CNIH3: variants seen among roughly 807,000 people sequenced by gnomAD.
The protein encoded by CNIH3 is protein cornichon homolog 3.
Under a neutral mutation model 24.1 loss-of-function variants are expected in CNIH3, and 14 were observed. The observed-to-expected ratio is 0.58, with a 90% CI of 0.38 to 0.91. The LOEUF is 0.91. Ranked by LOEUF, CNIH3 falls within the 40% of genes least tolerant of loss-of-function variation. The probability of loss-of-function intolerance (pLI) is 0.00; values close to 1 mark genes in which losing one functional copy is unlikely to be tolerated. For synonymous variants in CNIH3, 68 were observed against 73.8 expected (o/e 0.92, Z 0.40); for missense variants, 178 against 196.8 (o/e 0.90, Z 0.57).
At chr1:224,670,155 C>T (rs151107636) in intron 1 of CNIH3, among the ~76,000 whole-genome samples, 7 of 152,308 alleles carry the variant, frequency 4.6e-5, no homozygotes, top group African/African-American at 1.7e-4. Flanking sequence ...GTGAGACCTC[C>T]TTCAGATCCA....
intron 1 of CNIH3, among the ~76,000 whole-genome samples, chr1:224,657,857 A>G (rs1685171988): frequency 6.6e-6 from 1 of 152,242 alleles, no homozygotes; most frequent in African/African-American, 2.4e-5. Flanking sequence ...TCTTAAGACA[A>G]TCAGGGTTGA....
chr1:224,542,152 G>A (rs1679534674), downstream of CNIH3, among the ~76,000 whole-genome samples: 1 of 152,162 alleles, frequency 6.6e-6, no homozygotes, highest in African/African-American at 2.4e-5. Flanking sequence ...GTTTGAAAAT[G>A]CCACAACCAT....
intron 5 of CNIH3, chr1:224,587,290 C>T (rs2125022605): frequency 6.6e-6 from 1 of 152,438 alleles, no homozygotes; most frequent in African/African-American, 2.4e-5. Context: ...CATCCCAGAA[C>T]ATCAAGACAC....
At chr1:224,675,928 C>T (rs1036509584) in intron 1 of CNIH3, among the ~76,000 whole-genome samples, 6 of 152,286 alleles carry the variant, frequency 3.9e-5, no homozygotes, top group African/African-American at 1.4e-4. Flanking sequence ...CTTTGGAAAA[C>T]AGTTTTGTCA....
chr1:224,672,799 C>T (rs947918349), intron 1 of CNIH3, among the ~76,000 whole-genome samples: 5 of 152,148 alleles, frequency 3.3e-5, no homozygotes, highest in African/African-American at 9.7e-5. Flanking sequence ...GAGAAAGGTC[C>T]GTTCAAAGTG....
chr1:224,600,933 C>T (rs1318843392), intron 3 of CNIH3, among the ~76,000 whole-genome samples: 1 of 152,188 alleles, frequency 6.6e-6, no homozygotes, highest in African/African-American at 2.4e-5. Context: ...GGCCGTCCAC[C>T]TGCTAGTGTT....
At position 224,703,146 on chromosome 1, in the gene CNIH3, C is replaced by G. The variant is rs1687593036; in HGVS notation, c.198+18303C>G. ...TCTGACCTCTCAAGGTCCATCTGTC[C>G]TGGCTGGTCAAAACCTTTTTTCTAC... On this transcript the variant is annotated intron_variant, in intron 3 of 5. Coordinates refer to ENST00000272133, the MANE Select transcript of CNIH3 (RefSeq NM_152495.2). This position sits in a 1 kb window ranked among gnomAD's most constrained non-coding sequence, Gnocchi z 4.2. 6.6e-6 allele frequency among the ~76,000 whole-genome samples: 1 copy of G among 152,164 alleles called. No individual in the cohort carries two copies. The highest frequency in any genetic ancestry group is 2.4e-5 in the African/African-American group (1 of 41,444).
chr1:224,535,037 G>T (rs1179894370), intron 2 of CNIH3, among the ~76,000 whole-genome samples: 2 of 152,140 alleles, frequency 1.3e-5, no homozygotes, highest in African/African-American at 2.4e-5. Context: ...GCTGAATTGT[G>T]TCTGCCCCCA....
intron 5 of CNIH3, chr1:224,587,231 G>T (rs915973249): frequency 6.6e-6 from 1 of 152,346 alleles, no homozygotes; most frequent in Non-Finnish European, 1.5e-5. Context: ...TTTGGGAGGG[G>T]AACCAGAGAC....
At chr1:224,625,899 G>A (rs1329303346) in intron 1 of CNIH3, among the ~76,000 whole-genome samples, 1 of 152,138 alleles carries the variant, frequency 6.6e-6, no homozygotes, top group Non-Finnish European at 1.5e-5. Context: ...TGTTGATTTT[G>A]TGCTTCAAGA....
intron 3 of CNIH3, among the ~76,000 whole-genome samples, chr1:224,553,054 G>A (rs898846322): frequency 2.0e-5 from 3 of 148,440 alleles, no homozygotes; most frequent in Middle Eastern, 3.9e-3. Flanking sequence ...ATCATAGGGT[G>A]TATACACAGG....
At chr1:224,491,060 G>A (rs1677217783) in intron 1 of CNIH3, among the ~76,000 whole-genome samples, 1 of 152,162 alleles carries the variant, frequency 6.6e-6, no homozygotes. Context: ...CCTAAGTTAG[G>A]TTCTCAATCT....
rs200735493 is a variant in CNIH3, at chr1:224,501,526, T to TATA, written n.204-14215_204-14214insATA. On this transcript the variant is annotated intron_variant and non_coding_transcript_variant, in intron 1 of 5. Coordinates refer to the CNIH3 transcript ENST00000471578. The stretch of plus-strand genomic sequence containing the variant: ...GAACCTATATATATATATATATATA[T>TATA]TTTTTTTTTTTAACCCCAGAGTTCA... Among the ~76,000 whole-genome samples, 95 of 62,694 alleles carry TATA rather than the reference T, an allele frequency of 1.5e-3. 1 individual carries two copies. The highest frequency in any genetic ancestry group is 5.5e-3 in the African/African-American group (86 of 15,760). 41.1% of individuals were successfully genotyped at this position (62,694 alleles called of 152,430 possible).
At chr1:224,585,741 T>C (rs529300898) in intron 5 of CNIH3, among the ~76,000 whole-genome samples, 27 of 152,138 alleles carry the variant, frequency 1.8e-4, no homozygotes, top group African/African-American at 6.3e-4. Context: ...CACTTTGGCC[T>C]TTCAAAGTGC....
intron 1 of CNIH3, among the ~76,000 whole-genome samples, chr1:224,671,764 C>T (rs1391871771): frequency 1.3e-5 from 2 of 152,102 alleles, no homozygotes; most frequent in African/African-American, 2.4e-5. Flanking sequence ...ATTGAGAGAC[C>T]CTGAGTCTTT....
At chr1:224,483,755 C>T (rs1278616371) in intron 1 of CNIH3, among the ~76,000 whole-genome samples, 1 of 151,962 alleles carries the variant, frequency 6.6e-6, no homozygotes, top group Non-Finnish European at 1.5e-5. Flanking sequence ...ATTTGGTGTT[C>T]CTGTGGGGGA....
chr1:224,572,476 A>T (rs1223828605), intron 4 of CNIH3, among the ~76,000 whole-genome samples: 1 of 151,196 alleles, frequency 6.6e-6, no homozygotes, highest in Non-Finnish European at 1.5e-5. Context: ...AGATCATGCT[A>T]CTGCACTTCA....
At chr1:224,579,284 T>C (rs546823376) in intron 4 of CNIH3, among the ~76,000 whole-genome samples, 5 of 152,322 alleles carry the variant, frequency 3.3e-5, no homozygotes, top group African/African-American at 7.2e-5. Flanking sequence ...TCTTTCATTG[T>C]AAAGGTTTTC....
At chr1:224,456,349 T>C (rs754651688) in intron 1 of CNIH3, among the ~76,000 whole-genome samples, 16 of 152,192 alleles carry the variant, frequency 1.1e-4, no homozygotes, top group Non-Finnish European at 2.2e-4. Flanking sequence ...ACATGAGATG[T>C]GGTCCAGGGA....
Sources: allele counts gnomAD v4.1 joint callset (sites outside exome capture counted in the v4.1 genomes callset), GRCh38; gene constraint gnomAD v4.1.1; non-coding constraint Gnocchi (gnomAD v3.1); transcripts MANE v1.5; gene names NCBI Gene and HGNC (gene_info 2026-07-23, HGNC 2026-07-21).